The following TRAM2 variants were observed in gnomAD, a reference collection of about 807,000 sequenced individuals.
TRAM2 encodes translocating chain-associated membrane protein 2.
A neutral mutation model predicts 51.0 loss-of-function variants in TRAM2; 12 were observed. The ratio of observed to expected loss-of-function variants is 0.24; its 90% CI spans 0.15 to 0.38. TRAM2 has a LOEUF of 0.38. Among genes scored for constraint, TRAM2 ranks in the 10% least tolerant of loss-of-function variants. The pLI, the probability that TRAM2 is intolerant of heterozygous loss-of-function variation, is 1.00. For missense variants in TRAM2, 361 were observed against 462.0 expected (o/e 0.78, Z 2.00); for synonymous variants, 175 against 179.4 (o/e 0.98, Z 0.20).
intron 1 of TRAM2, among the ~76,000 whole-genome samples, chr6:52,552,559 C>T (rs1331398810): frequency 6.6e-6 from 1 of 152,202 alleles, no homozygotes; most frequent in African/African-American, 2.4e-5. Context: ...CCTCAGAGTT[C>T]TCATGTTTTA....
chr6:52,514,669 ATG>A, intron 4 of TRAM2, among the ~76,000 whole-genome samples: 1 of 152,164 alleles, frequency 6.6e-6, no homozygotes, highest in Non-Finnish European at 1.5e-5. Context: ...CTGGGGTGGA[ATG>A]TTTGGGGGTG....
In TRAM2 at chr6:52,505,782, C is replaced by T. The variant is rs192262305; in HGVS notation, c.732-40G>A. 7.0e-6 allele frequency: 11 copies of T among 1,561,752 alleles called. No homozygotes were observed. In the East Asian group the frequency reaches 2.5e-4, roughly 35 times the overall value. ...AGAAGAGGGATGTCAGTCTTTAGCG[C>T]CCTTGAAGGAATCTTCACCCACTTC... On this transcript the variant is annotated intron_variant, in intron 8 of 10. Transcript: ENST00000182527.
At chr6:52,515,519 A>G (rs988962534) in intron 4 of TRAM2, among the ~76,000 whole-genome samples, 2 of 152,272 alleles carry the variant, frequency 1.3e-5, no homozygotes, top group Non-Finnish European at 2.9e-5. Flanking sequence ...GTAGTAAAAC[A>G]GAGAGTAAGC....
intron 1 of TRAM2, among the ~76,000 whole-genome samples, chr6:52,565,514 A>C (rs1380961535): frequency 2.0e-5 from 3 of 152,130 alleles, no homozygotes; most frequent in Non-Finnish European, 4.4e-5. Context: ...GAGCTAATAC[A>C]ATTGTGGTGT....
At chr6:52,573,978 G>A (rs955273969) in intron 1 of TRAM2, among the ~76,000 whole-genome samples, 6 of 152,122 alleles carry the variant, frequency 3.9e-5, no homozygotes, top group Admixed American at 1.3e-4. Context: ...CTCAGCTTCC[G>A]AATGAAGGAA....
chr6:52,535,686 G>GAAA (rs3215574), intron 2 of TRAM2, 97 bp downstream of exon 2: 5 of 948,874 alleles, frequency 5.3e-6, no homozygotes, highest in East Asian at 2.8e-5. Context: ...CGTCATGGGG[G>GAAA]AAAAAAAAAA....
rs1766202993 is a variant in TRAM2 at position 52,500,721 on chromosome 6, G to A, written c.*2476C>T. ...TGGCACGCAAGTGTCCTGGGACAGA[G>A]CAATGGAAACCTACAGGCATGAGAA... On this transcript the variant is annotated 3_prime_UTR_variant, in exon 11 of 11. Transcript: ENST00000182527. 1 of 152,240 alleles carries A rather than the reference G, an allele frequency of 6.6e-6. No individual in the cohort carries two copies. Among genetic ancestry groups the A allele is most frequent in the Non-Finnish European group, 1.5e-5 (1 of 68,060 alleles). The allele number at this position is 152,240 out of a possible 1,614,324, so 9.4% of individuals were successfully genotyped here.
At chr6:52,557,646 T>C (rs1562487849) in intron 1 of TRAM2, among the ~76,000 whole-genome samples, 1 of 152,214 alleles carries the variant, frequency 6.6e-6, no homozygotes, top group Non-Finnish European at 1.5e-5. Flanking sequence ...GTGTATGTCC[T>C]GATAAGGCAA....
At chr6:52,554,098 C>A (rs1181048462) in intron 1 of TRAM2, among the ~76,000 whole-genome samples, 1 of 152,154 alleles carries the variant, frequency 6.6e-6, no homozygotes, top group East Asian at 1.9e-4. Flanking sequence ...GAGCAAGAGG[C>A]TCTCCCAGGC....
intron 2 of TRAM2, chr6:52,523,890 C>T (rs998273633): frequency 6.6e-6 from 1 of 152,244 alleles, no homozygotes; most frequent in Admixed American, 6.5e-5. Flanking sequence ...CCAATAGCAT[C>T]AGTAACACCT....
intron 2 of TRAM2, among the ~76,000 whole-genome samples, chr6:52,529,296 A>T (rs1182916912): frequency 2.6e-5 from 4 of 152,220 alleles, no homozygotes; most frequent in Non-Finnish European, 4.4e-5. Context: ...CCAAATATTT[A>T]TAGAAAAACA....
intron 1 of TRAM2, among the ~76,000 whole-genome samples, chr6:52,555,052 T>C (rs573248455): frequency 6.6e-6 from 1 of 152,358 alleles, no homozygotes. Flanking sequence ...TTCTTGATGC[T>C]TTTGTATCCT....
At position 52,563,277 on chromosome 6, in the gene TRAM2, A is replaced by C. The variant is rs1296956782; in HGVS notation, c.120+13519T>G. Among the ~76,000 whole-genome samples, 3 of 152,246 alleles carry C rather than the reference A, an allele frequency of 2.0e-5. No homozygotes were observed. The East Asian group carries it at 5.8e-4, about 29-fold the overall frequency. ...AGATATTCTGTTAACTGAAAAGGCAAGGTGCAAAAGTATAAATAATACACT... is the reference window on the plus strand; with the variant it reads ...AGATATTCTGTTAACTGAAAAGGCACGGTGCAAAAGTATAAATAATACACT... On this transcript the variant is annotated intron_variant, in intron 1 of 10. Transcript: ENST00000182527.
At chr6:52,535,734 C>A in intron 2 of TRAM2, 49 bp downstream of exon 2, 1 of 1,533,566 alleles carries the variant, frequency 6.5e-7, no homozygotes, top group South Asian at 1.2e-5. Flanking sequence ...CTTTCCAGGT[C>A]CTTCAGGGTT....
chr6:52,545,012 C>A (rs568969522), intron 1 of TRAM2, among the ~76,000 whole-genome samples: 2 of 152,170 alleles, frequency 1.3e-5, no homozygotes, highest in East Asian at 3.8e-4. Context: ...CAGTTATATA[C>A]GTATAAAATC....
chr6:52,574,164 C>A (rs1767725798), intron 1 of TRAM2, among the ~76,000 whole-genome samples: 1 of 152,160 alleles, frequency 6.6e-6, no homozygotes, highest in African/African-American at 2.4e-5. Flanking sequence ...CCACACACTT[C>A]CAGAGAGAAA....
chr6:52,522,886 C>A (rs1282937944), intron 2 of TRAM2: 1 of 702,406 alleles, frequency 1.4e-6, no homozygotes, highest in Non-Finnish European at 2.6e-6. Context: ...CTTCTGAGGT[C>A]ACCTGCAAGC....
chr6:52,558,525 T>C (rs1290989070), intron 1 of TRAM2, among the ~76,000 whole-genome samples: 1 of 152,186 alleles, frequency 6.6e-6, no homozygotes, highest in Non-Finnish European at 1.5e-5. Context: ...CACTTAAAAA[T>C]GGTTAAGATG....
chr6:52,503,707 G>A (rs1766285133), intron 10 of TRAM2, among the ~76,000 whole-genome samples: 1 of 152,184 alleles, frequency 6.6e-6, no homozygotes, highest in Admixed American at 6.5e-5. Context: ...ACTCCCAGGA[G>A]CAGTGGCCAC....
Sources: gnomAD v4.1 joint callset for allele counts (sites outside exome capture counted in the v4.1 genomes callset) on GRCh38, gnomAD v4.1.1 for gene constraint, MANE v1.5 for transcripts, NCBI Gene and HGNC (gene_info 2026-07-23, HGNC 2026-07-21) for gene names.